SPCS3: variants seen among roughly 807,000 people sequenced by gnomAD.
SPCS3 encodes SPase 22 kDa subunit.
In SPCS3, 9 loss-of-function variants were observed where a neutral mutation model predicts 17.2. That is an observed-to-expected ratio of 0.52 (90% CI 0.31 to 0.91). The LOEUF (loss-of-function observed/expected upper bound fraction) is 0.91. SPCS3 is among the 40% of genes least tolerant of loss of function. The probability of loss-of-function intolerance (pLI) is 0.04; values close to 1 mark genes in which losing one functional copy is unlikely to be tolerated. For missense variants in SPCS3, 139 were observed against 217.5 expected, an observed-to-expected ratio of 0.64 and a Z score of 2.27; for synonymous variants, 87 against 89.6, an observed-to-expected ratio of 0.97 and a Z score of 0.16.
At chr4:176,320,607 C>T (rs1479540364) in intron 1 of SPCS3, 1 of 154,522 alleles carries the variant, frequency 6.5e-6, no homozygotes, top group Non-Finnish European at 1.4e-5. Context: ...TCCGGTGCCG[C>T]TCGTGGTCCG....
chr4:176,320,059 T>C lies in SPCS3; in HGVS notation c.-18T>C. ...CTGGGTGTGCGTGTGGAGTCCGGAC[T>C]CGTGGGAGACGATCGCGATGAACAC... On this transcript the variant is annotated 5_prime_UTR_variant, in exon 1 of 5. Coordinates refer to ENST00000503362, the MANE Select transcript of SPCS3 (RefSeq NM_021928.4). 1 of 1,530,334 alleles carries C rather than the reference T, an allele frequency of 6.5e-7. No individual in the cohort carries two copies. Among genetic ancestry groups the C allele is most frequent in the Non-Finnish European group, 8.8e-7 (1 of 1,134,570 alleles). The allele number at this position is 1,530,334 out of a possible 1,614,324, so 94.8% of individuals were successfully genotyped here.
At chr4:176,325,400 TAGAG>T (rs1731593246) in intron 3 of SPCS3, among the ~76,000 whole-genome samples, 1 of 152,064 alleles carries the variant, frequency 6.6e-6, no homozygotes, top group Non-Finnish European at 1.5e-5. Context: ...CAGCTGCAAT[TAGAG>T]AGCTGCATGG....
intron 3 of SPCS3, 62 bp from the exon 4 acceptor site, chr4:176,327,100 A>G: frequency 1.0e-6 from 1 of 1,000,540 alleles, no homozygotes; most frequent in African/African-American, 1.7e-5. Context: ...TAATACTTTT[A>G]ATTTGAAGTG....
rs1010533774 is a variant in SPCS3, at chr4:176,328,561, C to G, written c.*231C>G. Reference sequence around the variant, plus strand: ...CAAGGCTGCCACAGTGGAATATTATCTTACAAGAATAAGAACTACATAAAA... The same window carrying G: ...CAAGGCTGCCACAGTGGAATATTATGTTACAAGAATAAGAACTACATAAAA... On this transcript the variant is annotated 3_prime_UTR_variant, in exon 5 of 5. Coordinates refer to ENST00000503362, the MANE Select transcript of SPCS3 (RefSeq NM_021928.4). The G allele has an allele frequency of 1.1e-5, 3 of 267,398 alleles. No homozygotes were observed. The highest frequency in any genetic ancestry group is 6.8e-5 in the African/African-American group (3 of 44,328). The allele number at this position is 267,398 out of a possible 1,614,324, so 16.6% of individuals were successfully genotyped here.
At position 176,324,363 on chromosome 4, in the gene SPCS3, G is replaced by A. The variant is rs987048530; in HGVS notation, c.294+106G>A. 10 of 528,914 alleles carry A rather than the reference G, an allele frequency of 1.9e-5. No individual in the cohort carries two copies. In the African/African-American group the frequency reaches 2.0e-4, roughly 11 times the overall value. The allele number at this position is 528,914 out of a possible 1,614,324, so 32.8% of individuals were successfully genotyped here. Reference sequence around the variant, plus strand: ...TAAAATATCTGACCTGAGTTACCTAGCAAAACATCACAAGCCAGTGGAGGT... The same window carrying A: ...TAAAATATCTGACCTGAGTTACCTAACAAAACATCACAAGCCAGTGGAGGT... On this transcript the variant is annotated intron_variant, in intron 3 of 4. Transcript: ENST00000503362.
At position 176,329,327 on chromosome 4, in the gene SPCS3, T is replaced by C. The variant is rs1276935500; in HGVS notation, c.*997T>C. The C allele has an allele frequency of 1.3e-5, 2 of 152,132 alleles. No individual in the cohort carries two copies. The highest frequency in any genetic ancestry group is 2.9e-5 in the Non-Finnish European group (2 of 67,986). The allele number at this position is 152,132 out of a possible 1,614,324, so 9.4% of individuals were successfully genotyped here. ...AGATAAGAAACTGAAACCCAGAAGTTTATTGAATTGCTTCATTGTTACCTA... is the reference window on the plus strand; with the variant it reads ...AGATAAGAAACTGAAACCCAGAAGTCTATTGAATTGCTTCATTGTTACCTA... On this transcript the variant is annotated 3_prime_UTR_variant, in exon 5 of 5. Transcript: ENST00000503362.
At chr4:176,327,748 T>G (rs1481083973) in intron 4 of SPCS3, among the ~76,000 whole-genome samples, 2 of 152,236 alleles carry the variant, frequency 1.3e-5, no homozygotes, top group Admixed American at 6.5e-5. Context: ...TGGTAAACAT[T>G]GGAAATAATT....
intron 3 of SPCS3, among the ~76,000 whole-genome samples, chr4:176,325,561 T>TA (rs71597446): frequency 0.018 from 2,456 of 137,324 alleles, 59 homozygotes; most frequent in African/African-American, 0.057. Context: ...TACCTTTCTT[T>TA]AAAAAAAAAA....
In SPCS3 at chr4:176,328,213, C is replaced by A; in HGVS notation, c.426C>A (p.Val142=). The A allele has an allele frequency of 6.2e-7, 1 of 1,612,456 alleles. No individual in the cohort carries two copies. Among genetic ancestry groups the A allele is most frequent in the South Asian group, 1.1e-5 (1 of 90,712 alleles). ...DGNGLKGNRN[V]TLTLSWNVVP... is the part of the protein sequence containing the mutation. The stretch of plus-strand genomic sequence containing the variant: ...CTTTTTATAGGGGAAACAGGAATGT[C>A]ACTTTGACCCTGTCTTGGAACGTCG... Residue 142 remains valine, a synonymous_variant, in exon 5 of 5, where the codon GTC becomes GTA. Transcript: ENST00000503362.
rs980779520 is a variant in SPCS3 at position 176,329,697 on chromosome 4, T to C, written c.*1367T>C. 2 of 152,156 alleles carry C rather than the reference T, an allele frequency of 1.3e-5. No homozygotes were observed. Among genetic ancestry groups the C allele is most frequent in the Admixed American group, 6.5e-5 (1 of 15,274 alleles). The allele number at this position is 152,156 out of a possible 1,614,324, so 9.4% of individuals were successfully genotyped here. On this transcript the variant is annotated 3_prime_UTR_variant, in exon 5 of 5. Transcript: ENST00000503362. ...ATACATGATCGTATTTAACATGTTT[T>C]TTTTTTCTGCAGTGGACAAATAAAC... is the stretch of plus-strand genomic sequence containing the variant.
In SPCS3 at chr4:176,329,752, A is replaced by C. The variant is rs1256369531; in HGVS notation, c.*1422A>C. 2.0e-5 allele frequency: 3 copies of C among 152,122 alleles called. No homozygotes were observed. Among genetic ancestry groups the C allele is most frequent in the African/African-American group, 7.2e-5 (3 of 41,430 alleles). 9.4% of individuals were successfully genotyped at this position (152,122 alleles called of 1,614,324 possible). ...TCAAAGTAGCAACTGCAAATCAGTT[A>C]CCCTTAGAAAAGCAAGACCAAACAC... On this transcript the variant is annotated 3_prime_UTR_variant, in exon 5 of 5. Transcript: ENST00000503362.
At position 176,330,583 on chromosome 4, in the gene SPCS3, G is replaced by T. The variant is rs1001063750; in HGVS notation, c.*2253G>T. The stretch of plus-strand genomic sequence containing the variant: ...AAGGGAAATTGCTCAGAAAAAGAAT[G>T]CTCCAACATGGGAATAAGGACCTTC... On this transcript the variant is annotated 3_prime_UTR_variant, in exon 5 of 5. Coordinates refer to ENST00000503362, the MANE Select transcript of SPCS3 (RefSeq NM_021928.4). 2.0e-5 allele frequency: 3 copies of T among 152,176 alleles called. No individual in the cohort carries two copies. Among genetic ancestry groups the T allele is most frequent in the Non-Finnish European group, 2.9e-5 (2 of 68,028 alleles). 9.4% of individuals were successfully genotyped at this position (152,176 alleles called of 1,614,324 possible).
At position 176,328,438 on chromosome 4, in the gene SPCS3, T is replaced by G. The variant is rs1360956096; in HGVS notation, c.*108T>G. Reference sequence around the variant, plus strand: ...GTTGGTTTGTTTTTTGGTTTTGGGTTTTTTTTTTTTTTTTTTTGGTATAAG... The same window carrying G: ...GTTGGTTTGTTTTTTGGTTTTGGGTGTTTTTTTTTTTTTTTTTGGTATAAG... On this transcript the variant is annotated 3_prime_UTR_variant, in exon 5 of 5. Transcript: ENST00000503362. 1 of 216,746 alleles carries G rather than the reference T, an allele frequency of 4.6e-6. No homozygotes were observed. Among genetic ancestry groups the G allele is most frequent in the Non-Finnish European group, 7.1e-6 (1 of 140,822 alleles). 13.4% of individuals were successfully genotyped at this position (216,746 alleles called of 1,614,324 possible).
At chr4:176,326,583 G>A (rs1731610763) in intron 3 of SPCS3, among the ~76,000 whole-genome samples, 1 of 151,912 alleles carries the variant, frequency 6.6e-6, no homozygotes, top group Non-Finnish European at 1.5e-5. Flanking sequence ...TTAATTAAAG[G>A]GAAAAAAGAT....
chr4:176,325,722 GT>G (rs965146810), intron 3 of SPCS3, among the ~76,000 whole-genome samples: 4 of 151,926 alleles, frequency 2.6e-5, no homozygotes, highest in African/African-American at 4.8e-5. Context: ...ACTTGAACTG[GT>G]TTTTTGTTGT....
At chr4:176,321,688 TC>T (rs1271606772) in intron 1 of SPCS3, 1 of 152,656 alleles carries the variant, frequency 6.6e-6, no homozygotes, top group African/African-American at 2.4e-5. Context: ...GAATATGATC[TC>T]TTTCCCCTTC....
intron 1 of SPCS3, 79 bp downstream of exon 1, chr4:176,320,298 G>T (rs1579356057): frequency 1.6e-6 from 2 of 1,238,444 alleles, no homozygotes; most frequent in Non-Finnish European, 2.0e-6. Context: ...CCGCGCCGGG[G>T]CTGCCGTGCC....
At position 176,320,037 on chromosome 4, in the gene SPCS3, G is replaced by T; in HGVS notation, c.-40G>T. On this transcript the variant is annotated 5_prime_UTR_variant, in exon 1 of 5. Coordinates refer to ENST00000503362, the MANE Select transcript of SPCS3 (RefSeq NM_021928.4). ...GGTCCGCCGCCGGAACGGGAGCCTG[G>T]GTGTGCGTGTGGAGTCCGGACTCGT... The T allele has an allele frequency of 6.7e-7, 1 of 1,483,706 alleles. No homozygotes were observed. The highest frequency in any genetic ancestry group is 9.1e-7 in the Non-Finnish European group (1 of 1,103,936). The allele number at this position is 1,483,706 out of a possible 1,614,324, so 91.9% of individuals were successfully genotyped here.
rs1277274489 is a variant in SPCS3, at chr4:176,329,902, A to T, written c.*1572A>T. On this transcript the variant is annotated 3_prime_UTR_variant, in exon 5 of 5. Coordinates refer to ENST00000503362, the MANE Select transcript of SPCS3 (RefSeq NM_021928.4). ...ACTATTTAATTACATTAATTTTAAC[A>T]TCTGTTGTGTGGAGTTGTATAGTTC... 6.6e-6 allele frequency: 1 copy of T among 152,190 alleles called. No homozygotes were observed. The highest frequency in any genetic ancestry group is 2.4e-5 in the African/African-American group (1 of 41,458). 9.4% of individuals were successfully genotyped at this position (152,190 alleles called of 1,614,324 possible).
Sources: gnomAD v4.1 joint callset for allele counts (sites outside exome capture counted in the v4.1 genomes callset) on GRCh38, gnomAD v4.1.1 for gene constraint, MANE v1.5 for transcripts, NCBI Gene and HGNC (gene_info 2026-07-23, HGNC 2026-07-21) for gene names.